ATP8A2: variants seen among roughly 807,000 people sequenced by gnomAD.
The protein encoded by ATP8A2 is phospholipid-transporting ATPase IB.
ATP8A2 carries 100 observed loss-of-function variants against 165.6 expected under a neutral mutation model. The ratio of observed to expected loss-of-function variants is 0.60; its 90% CI spans 0.51 to 0.71. The LOEUF (loss-of-function observed/expected upper bound fraction) is 0.71. ATP8A2 is among the 30% of genes least tolerant of loss of function. The pLI is 0.00. For synonymous variants in ATP8A2, 543 were observed against 548.8 expected (o/e 0.99, Z 0.15); for missense variants, 1,227 against 1,479.5 (o/e 0.83, Z 2.80).
chr13:25,981,338 A>G (rs750626666), intron 35 of ATP8A2, among the ~76,000 whole-genome samples: 5 of 152,268 alleles, frequency 3.3e-5, no homozygotes, highest in African/African-American at 9.6e-5. Flanking sequence ...TGTGACTGAC[A>G]TAATATAACA....
intron 27 of ATP8A2, among the ~76,000 whole-genome samples, chr13:25,801,887 A>C (rs1427998560): frequency 6.6e-6 from 1 of 152,078 alleles, no homozygotes; most frequent in African/African-American, 2.4e-5. Flanking sequence ...GGCAGCATCA[A>C]GGAGAAGTGC....
intron 34 of ATP8A2, among the ~76,000 whole-genome samples, chr13:25,962,044 AG>A (rs1186779273): frequency 6.6e-6 from 1 of 152,184 alleles, no homozygotes; most frequent in Non-Finnish European, 1.5e-5. Flanking sequence ...AGAAACAAAA[AG>A]AAAAGAAAAA....
chr13:25,852,044 A>G (rs1279189964), intron 30 of ATP8A2, among the ~76,000 whole-genome samples: 1 of 151,990 alleles, frequency 6.6e-6, no homozygotes, highest in Middle Eastern at 3.2e-3. Context: ...TGCGTAGAGG[A>G]CTGTATCCGA....
intron 25 of ATP8A2, among the ~76,000 whole-genome samples, chr13:25,714,909 A>G (rs2043224611): frequency 1.3e-5 from 2 of 152,228 alleles, no homozygotes; most frequent in African/African-American, 4.8e-5. Flanking sequence ...AAGGAGCCTT[A>G]TGTATCCAAG....
intron 1 of ATP8A2, among the ~76,000 whole-genome samples, chr13:25,448,241 TTA>T (rs1234367565): frequency 6.6e-6 from 1 of 152,230 alleles, no homozygotes; most frequent in Non-Finnish European, 1.5e-5. Context: ...ATACAATAAA[TTA>T]TTGTTAACTA....
chr13:25,648,409 T>C (rs2041730279), intron 24 of ATP8A2, among the ~76,000 whole-genome samples: 1 of 152,188 alleles, frequency 6.6e-6, no homozygotes, highest in African/African-American at 2.4e-5. Context: ...CTCACGCCAG[T>C]AATTCTAGAA....
At chr13:25,386,600 G>T (rs1161660120) in intron 1 of ATP8A2, among the ~76,000 whole-genome samples, 1 of 152,086 alleles carries the variant, frequency 6.6e-6, no homozygotes, top group Non-Finnish European at 1.5e-5. Flanking sequence ...ATTTATTGGT[G>T]GCGTTTTTTT....
In ATP8A2 at chr13:25,889,013, G is replaced by A. The variant is rs145078852; in HGVS notation, c.3183+26605G>A. On this transcript the variant is annotated intron_variant, in intron 33 of 36. Transcript: ENST00000381655. Reference sequence around the variant, plus strand: ...ATATGGCAATTTTTTCCTACAATCTGTCAACGACTATGCCAAGAAGCAAAC... The same window carrying A: ...ATATGGCAATTTTTTCCTACAATCTATCAACGACTATGCCAAGAAGCAAAC... Among the ~76,000 whole-genome samples, 524 of 151,854 alleles carry A rather than the reference G, an allele frequency of 3.5e-3. 1 individual carries two copies. Among genetic ancestry groups the A allele is most frequent in the East Asian group, 0.017 (85 of 5,136 alleles).
chr13:25,538,095 A>G, intron 7 of ATP8A2, 34 bp downstream of exon 7: 1 of 1,547,004 alleles, frequency 6.5e-7, no homozygotes, highest in Non-Finnish European at 8.9e-7. Flanking sequence ...TTTTTGCAAT[A>G]AATGTTAAGA....
chr13:25,833,907 A>C (rs1951542275), intron 28 of ATP8A2, among the ~76,000 whole-genome samples: 1 of 152,234 alleles, frequency 6.6e-6, no homozygotes, highest in African/African-American at 2.4e-5. Flanking sequence ...TCATAATATA[A>C]AGACAGGGTT....
chr13:25,796,927 G>A (rs1437580817), intron 27 of ATP8A2, among the ~76,000 whole-genome samples: 1 of 152,018 alleles, frequency 6.6e-6, no homozygotes, highest in Non-Finnish European at 1.5e-5. Flanking sequence ...GTATTTGATA[G>A]CACAACCAGG....
chr13:25,939,654 T>C (rs1469743680), intron 33 of ATP8A2, among the ~76,000 whole-genome samples: 3 of 152,200 alleles, frequency 2.0e-5, no homozygotes, highest in African/African-American at 7.2e-5. Flanking sequence ...ATGTCCACAA[T>C]TCATTCCCAT....
At chr13:25,438,884 A>G (rs1345455898) in intron 1 of ATP8A2, among the ~76,000 whole-genome samples, 2 of 152,204 alleles carry the variant, frequency 1.3e-5, no homozygotes, top group African/African-American at 4.8e-5. Flanking sequence ...TAAATGAGAA[A>G]ACAAAGGATA....
At chr13:25,725,776 TATAG>T (rs1215173412) in intron 25 of ATP8A2, among the ~76,000 whole-genome samples, 2 of 152,208 alleles carry the variant, frequency 1.3e-5, no homozygotes, top group Non-Finnish European at 2.9e-5. Flanking sequence ...TTTTTTGTCT[TATAG>T]ATCAATCTTG....
chr13:25,553,984 ATTGAGCACTC>A, intron 12 of ATP8A2, 64 bp downstream of exon 12: 2 of 1,525,774 alleles, frequency 1.3e-6, no homozygotes, highest in Admixed American at 1.9e-5. Flanking sequence ...TTGGCATTTA[ATTGAGCACTC>A]AAAAAAGAAG....
At chr13:25,994,948 T>C (rs755776803) in intron 35 of ATP8A2, among the ~76,000 whole-genome samples, 21 of 152,176 alleles carry the variant, frequency 1.4e-4, no homozygotes, top group Non-Finnish European at 3.1e-4. Flanking sequence ...GAACTGGTGG[T>C]AAGTCTTCTT....
intron 1 of ATP8A2, among the ~76,000 whole-genome samples, chr13:25,376,833 A>T (rs547979177): frequency 1.6e-4 from 24 of 152,242 alleles, no homozygotes; most frequent in Non-Finnish European, 3.1e-4. Flanking sequence ...AGGAGAATTT[A>T]AATGTTCTTT....
At chr13:25,512,631 G>C (rs543595847) in intron 2 of ATP8A2, among the ~76,000 whole-genome samples, 1 of 148,386 alleles carries the variant, frequency 6.7e-6, no homozygotes, top group African/African-American at 2.5e-5. Flanking sequence ...CTGGCTGGGC[G>C]GGGGGCTGAC....
In ATP8A2 at chr13:25,429,386, A is replaced by AG. The variant is rs1317730223; in HGVS notation, c.77-39591_77-39590insG. On this transcript the variant is annotated intron_variant, in intron 1 of 36. Transcript: ENST00000381655. Reference sequence around the variant, plus strand: ...GACTCCATCTTAAAAAAAAAAAAAAAAAAAAAAAAAAAAAGAAGTAATCTT... The same window carrying AG: ...GACTCCATCTTAAAAAAAAAAAAAAAGAAAAAAAAAAAAAAGAAGTAATCTT... 3.5e-3 allele frequency among the ~76,000 whole-genome samples: 509 copies of AG among 145,938 alleles called. 6 individuals are homozygous for AG. Among genetic ancestry groups the AG allele is most frequent in the African/African-American group, 0.013 (472 of 37,620 alleles).
Sources: allele counts gnomAD v4.1 joint callset (sites outside exome capture counted in the v4.1 genomes callset), GRCh38; gene constraint gnomAD v4.1.1; transcripts MANE v1.5; gene names NCBI Gene and HGNC (gene_info 2026-07-23, HGNC 2026-07-21).